The following CDH13 variants were observed in gnomAD, a reference collection of about 807,000 sequenced individuals.
CDH13 encodes the protein cadherin-13.
A neutral mutation model predicts 63.8 loss-of-function variants in CDH13; 24 were observed. The observed-to-expected ratio is 0.38, with a 90% CI of 0.27 to 0.53. CDH13 has a LOEUF of 0.53. CDH13 is among the 20% of genes least tolerant of loss of function. The probability of loss-of-function intolerance (pLI) is 0.85; values close to 1 mark genes in which losing one functional copy is unlikely to be tolerated. For synonymous variants in CDH13, 503 were observed against 355.3 expected, an observed-to-expected ratio of 1.42 and a Z score of -4.67; for missense variants, 1,049 against 903.1, an observed-to-expected ratio of 1.16 and a Z score of -2.07.
At chr16:83,682,583 C>T (rs1271200609) in intron 10 of CDH13, among the ~76,000 whole-genome samples, 16 of 152,198 alleles carry the variant, frequency 1.1e-4, no homozygotes, top group African/African-American at 2.6e-4. Flanking sequence ...GTTGGCTGTG[C>T]GGTCACCACA....
At chr16:83,123,090 A>G (rs1362038418) in intron 3 of CDH13, among the ~76,000 whole-genome samples, 1 of 152,118 alleles carries the variant, frequency 6.6e-6, no homozygotes, top group African/African-American at 2.4e-5. Flanking sequence ...TGTGGCTGCA[A>G]AAGACATGAT....
intron 8 of CDH13, among the ~76,000 whole-genome samples, chr16:83,617,583 A>G (rs1567807969): frequency 6.6e-6 from 1 of 151,412 alleles, no homozygotes; most frequent in East Asian, 1.9e-4. Context: ...TTCAATTCTA[A>G]TATATATCTA....
chr16:83,436,294 G>C (rs1450885835), intron 6 of CDH13, among the ~76,000 whole-genome samples: 1 of 152,068 alleles, frequency 6.6e-6, no homozygotes, highest in Non-Finnish European at 1.5e-5. Context: ...CTTCATATTG[G>C]AGCTTATAAT....
At chr16:83,308,239 T>C (rs2089923509) in intron 5 of CDH13, among the ~76,000 whole-genome samples, 3 of 152,232 alleles carry the variant, frequency 2.0e-5, no homozygotes, top group South Asian at 4.1e-4. Flanking sequence ...CCTTCATCTT[T>C]CCAAACATAT....
intron 4 of CDH13, among the ~76,000 whole-genome samples, chr16:83,190,246 T>C (rs1402428080): frequency 2.0e-5 from 3 of 151,892 alleles, no homozygotes; most frequent in Admixed American, 6.6e-5. Context: ...TCATTATGAG[T>C]GGAAGTGGGG....
chr16:83,021,832 A>C (rs186107277), intron 2 of CDH13, among the ~76,000 whole-genome samples: 1 of 152,316 alleles, frequency 6.6e-6, no homozygotes, highest in East Asian at 1.9e-4. Context: ...CTCTAGGCCA[A>C]ACATGGAACA....
At chr16:83,365,456 G>C (rs1322318984) in intron 6 of CDH13, among the ~76,000 whole-genome samples, 1 of 152,102 alleles carries the variant, frequency 6.6e-6, no homozygotes, top group Non-Finnish European at 1.5e-5. Context: ...CAAGTACCTG[G>C]TTACCCCATG....
intron 10 of CDH13, among the ~76,000 whole-genome samples, chr16:83,743,069 T>A (rs1349432606): frequency 6.6e-6 from 1 of 152,148 alleles, no homozygotes; most frequent in African/African-American, 2.4e-5. Context: ...TAGCCAGGCA[T>A]GGTGGCAGGT....
chr16:83,054,072 G>A lies in CDH13; in HGVS notation c.366+21854G>A, dbSNP rs535601205. 7.9e-5 allele frequency among the ~76,000 whole-genome samples: 12 copies of A among 152,254 alleles called. No individual in the cohort carries two copies. In the South Asian group the frequency reaches 2.3e-3, roughly 29 times the overall value. On this transcript the variant is annotated intron_variant, in intron 3 of 13. Coordinates refer to ENST00000567109, the MANE Select transcript of CDH13 (RefSeq NM_001257.5). ...ACAGTATTCAGCACAGTAACATACTGTACGGGTTTATAGCCTAGGAACAAT... is the reference window on the plus strand; with the variant it reads ...ACAGTATTCAGCACAGTAACATACTATACGGGTTTATAGCCTAGGAACAAT...
intron 2 of CDH13, among the ~76,000 whole-genome samples, chr16:82,943,628 C>T (rs943919862): frequency 1.3e-5 from 2 of 152,118 alleles, no homozygotes; most frequent in Non-Finnish European, 2.9e-5. Flanking sequence ...ACCACCAGCC[C>T]CTATCAAGTC....
At chr16:83,378,494 A>G (rs1051954317) in intron 6 of CDH13, among the ~76,000 whole-genome samples, 4 of 152,148 alleles carry the variant, frequency 2.6e-5, no homozygotes, top group African/African-American at 7.2e-5. Context: ...CATATCTCCA[A>G]TAAAGGGGTC....
intron 4 of CDH13, among the ~76,000 whole-genome samples, chr16:83,210,369 G>A (rs796624458): frequency 1.3e-5 from 2 of 151,976 alleles, no homozygotes; most frequent in Non-Finnish European, 2.9e-5. Context: ...CAGGCCGATT[G>A]CAAGTTTTCA....
At chr16:83,203,981 T>A (rs995290282) in intron 4 of CDH13, among the ~76,000 whole-genome samples, 2 of 152,332 alleles carry the variant, frequency 1.3e-5, no homozygotes, top group Admixed American at 1.3e-4. Flanking sequence ...AAGAGTTTGA[T>A]GTACAGAGGA....
intron 1 of CDH13, 72 bp from the exon 2 acceptor site, chr16:82,858,290 C>A (rs992699924): frequency 5.8e-5 from 55 of 946,170 alleles, no homozygotes; most frequent in South Asian, 4.1e-4. Context: ...CTAAAAGTTG[C>A]GGATTTGGCG....
chr16:82,724,728 C>A (rs1313939451), intron 1 of CDH13, among the ~76,000 whole-genome samples: 1 of 152,150 alleles, frequency 6.6e-6, no homozygotes, highest in African/African-American at 2.4e-5. Context: ...CTGAGAGAAT[C>A]ACAGGGCCCT....
rs531719220 is a variant in CDH13, at chr16:82,921,891, C to A, written c.157+63418C>A. ...CTATCTGGGTCTGAGCTTTTCTTTG[C>A]AGAAATATTCTAAATTACTGATTCA... On this transcript the variant is annotated intron_variant, in intron 2 of 13. Coordinates refer to ENST00000567109, the MANE Select transcript of CDH13 (RefSeq NM_001257.5). 5.3e-5 allele frequency among the ~76,000 whole-genome samples: 8 copies of A among 152,164 alleles called. No individual in the cohort carries two copies. In the South Asian group the frequency reaches 1.7e-3, roughly 32 times the overall value.
intron 6 of CDH13, among the ~76,000 whole-genome samples, chr16:83,428,675 C>T (rs1482014683): frequency 6.6e-6 from 1 of 152,186 alleles, no homozygotes; most frequent in East Asian, 1.9e-4. Flanking sequence ...AGAAATTAGT[C>T]CGTAAGACAA....
chr16:82,691,444 TCCCTG>T (rs879936052), intron 1 of CDH13, among the ~76,000 whole-genome samples: 4 of 152,164 alleles, frequency 2.6e-5, no homozygotes, highest in Non-Finnish European at 5.9e-5. Context: ...TGTCCCAGCC[TCCCTG>T]CCCTTTGGTG....
intron 6 of CDH13, among the ~76,000 whole-genome samples, chr16:83,448,551 T>C (rs753201997): frequency 3.9e-5 from 6 of 152,180 alleles, no homozygotes; most frequent in East Asian, 1.9e-4. Context: ...TAGAGCAGCA[T>C]TGAGTATCTT....
Sources: gnomAD v4.1 joint callset for allele counts (sites outside exome capture counted in the v4.1 genomes callset) on GRCh38, gnomAD v4.1.1 for gene constraint, MANE v1.5 for transcripts, NCBI Gene and HGNC (gene_info 2026-07-23, HGNC 2026-07-21) for gene names.